The following SV2C variants were observed in gnomAD, a reference collection of about 807,000 sequenced individuals.
The protein encoded by SV2C is solute carrier family 22 member B3.
Under a neutral mutation model 79.7 loss-of-function variants are expected in SV2C, and 49 were observed. The ratio of observed to expected loss-of-function variants is 0.61; its 90% CI spans 0.49 to 0.78. SV2C has a LOEUF of 0.78. Among genes scored for constraint, SV2C ranks in the 30% least tolerant of loss-of-function variants. The probability of loss-of-function intolerance (pLI) is 0.00; values close to 1 mark genes in which losing one functional copy is unlikely to be tolerated. For missense variants in SV2C, 833 were observed against 912.9 expected, an observed-to-expected ratio of 0.91 and a Z score of 1.13; for synonymous variants, 334 against 333.2, an observed-to-expected ratio of 1.00 and a Z score of -0.03.
At chr5:76,324,254 TCAGCCTGCCATA>T (rs1438090120) in intron 12 of SV2C, among the ~76,000 whole-genome samples, 1 of 152,156 alleles carries the variant, frequency 6.6e-6, no homozygotes, top group East Asian at 1.9e-4. Context: ...GACACCCTGC[TCAGCCTGCCATA>T]CATTTTAACT....
intron 1 of SV2C, among the ~76,000 whole-genome samples, chr5:76,112,505 G>A (rs1000588370): frequency 3.3e-5 from 5 of 152,172 alleles, no homozygotes; most frequent in Non-Finnish European, 5.9e-5. Context: ...GGATGGGGGG[G>A]AGGACCCTGA....
chr5:76,163,449 A>T (rs1465889581), intron 2 of SV2C, among the ~76,000 whole-genome samples: 4 of 152,270 alleles, frequency 2.6e-5, no homozygotes, highest in African/African-American at 9.6e-5. Flanking sequence ...CTTGCATAGT[A>T]TAAATCAGCT....
rs1396520105 is a variant in SV2C at position 76,298,912 on chromosome 5, G to A, written c.1621G>A (p.Val541Ile). ...YFKNCTFIDT[V>I]FDNTDFEPYK... ...CAAGAACTGCACATTTATTGACACT[G>A]TTTTTGACAACACAGGTAGGTGTGC... The change falls in exon 10 of 13, where the codon GTT becomes ATT. Residue 541 changes from valine (V) to isoleucine (I), a missense_variant. Transcript: ENST00000502798. 1 of 1,613,764 alleles carries A rather than the reference G, an allele frequency of 6.2e-7. No individual in the cohort carries two copies.
rs1032942331 is a variant in SV2C, at chr5:76,331,044, G to A, written c.*5497G>A. 2 of 152,144 alleles carry A rather than the reference G, an allele frequency of 1.3e-5. No homozygotes were observed. Among genetic ancestry groups the A allele is most frequent in the Non-Finnish European group, 2.9e-5 (2 of 68,052 alleles). The allele number at this position is 152,144 out of a possible 1,614,324, so 9.4% of individuals were successfully genotyped here. On this transcript the variant is annotated 3_prime_UTR_variant, in exon 13 of 13. Transcript: ENST00000502798. ...GCTAATTTTTTGTATTTTTAGTAGA[G>A]ACGAGGTTTCACCATTTTGGCCAGG...
At chr5:75,901,633 A>T in the SV2C span, among the ~76,000 whole-genome samples, 1 of 152,228 alleles carries the variant, frequency 6.6e-6, no homozygotes, top group Non-Finnish European at 1.5e-5. Flanking sequence ...AGACAGGGAC[A>T]TTTACGTCTG....
chr5:76,060,306 T>C, the SV2C span, among the ~76,000 whole-genome samples: 1 of 152,126 alleles, frequency 6.6e-6, no homozygotes, highest in African/African-American at 2.4e-5. Flanking sequence ...TGGCATCTTC[T>C]TCCAAGAGAA....
chr5:76,199,085 A>G (rs570061332), intron 3 of SV2C, among the ~76,000 whole-genome samples: 1 of 152,184 alleles, frequency 6.6e-6, no homozygotes, highest in East Asian at 1.9e-4. Flanking sequence ...TCGTATTTAA[A>G]CCCTTCATTC....
chr5:75,955,857 T>C, the SV2C span, among the ~76,000 whole-genome samples: 53 of 151,946 alleles, frequency 3.5e-4, no homozygotes, highest in African/African-American at 4.6e-4. Context: ...TACCATCTCA[T>C]ACCAGTTAGA....
At chr5:76,050,534 C>T in the SV2C span, among the ~76,000 whole-genome samples, 1 of 152,186 alleles carries the variant, frequency 6.6e-6, no homozygotes, top group African/African-American at 2.4e-5. Flanking sequence ...AATGTTCCTT[C>T]ACTCATTTGT....
chr5:76,347,669 T>C (rs975732686), intron 12 of SV2C, among the ~76,000 whole-genome samples: 5 of 152,182 alleles, frequency 3.3e-5, no homozygotes, highest in Non-Finnish European at 5.9e-5. Context: ...CTCGAACTCC[T>C]GACCCCAGGT....
chr5:76,133,573 A>T (rs1261598592), intron 2 of SV2C, among the ~76,000 whole-genome samples: 2 of 152,252 alleles, frequency 1.3e-5, no homozygotes, highest in East Asian at 1.9e-4. Context: ...TTGTTTCTTT[A>T]TGCTTAGCTA....
chr5:76,055,646 A>G, the SV2C span, among the ~76,000 whole-genome samples: 1 of 152,150 alleles, frequency 6.6e-6, no homozygotes, highest in African/African-American at 2.4e-5. Context: ...ATGTTTTTCC[A>G]TCTGTTTGTG....
At chr5:76,302,128 G>C (rs1748028199) in intron 12 of SV2C, among the ~76,000 whole-genome samples, 1 of 152,168 alleles carries the variant, frequency 6.6e-6, no homozygotes, top group East Asian at 1.9e-4. Flanking sequence ...TGAGGAAGCT[G>C]TAATGAAGCA....
the SV2C span, among the ~76,000 whole-genome samples, chr5:75,859,624 T>C: frequency 6.6e-6 from 1 of 152,158 alleles, no homozygotes; most frequent in African/African-American, 2.4e-5. Flanking sequence ...AGTCTCCTTA[T>C]TGCCTTCATG....
At position 76,327,168 on chromosome 5, in the gene SV2C, C is replaced by G. The variant is rs1347137295; in HGVS notation, c.*1621C>G. The G allele has an allele frequency of 6.6e-6, 1 of 152,126 alleles. No homozygotes were observed. The highest frequency in any genetic ancestry group is 1.9e-4 in the East Asian group (1 of 5,188). The allele number at this position is 152,126 out of a possible 1,614,324, so 9.4% of individuals were successfully genotyped here. A position where few individuals can be genotyped will look rare whatever the true frequency, so the allele number is the denominator to read the frequency against. On this transcript the variant is annotated 3_prime_UTR_variant, in exon 13 of 13. Coordinates refer to ENST00000502798, the MANE Select transcript of SV2C (RefSeq NM_014979.4). ...CCCCCTCCCCTTCCTAATGATCCCT[C>G]GCAGAGCTCAGACTAAGTGAAAAGC...
chr5:76,323,147 G>T (rs182482310), intron 12 of SV2C, among the ~76,000 whole-genome samples: 2 of 152,158 alleles, frequency 1.3e-5, no homozygotes, highest in African/African-American at 4.8e-5. Flanking sequence ...TCTGACAAAG[G>T]TCTAATATCT....
chr5:76,132,209 C>T lies in SV2C; in HGVS notation c.459C>T (p.Ala153=). 6.2e-7 allele frequency: 1 copy of T among 1,614,064 alleles called. No homozygotes were observed. The highest frequency in any genetic ancestry group is 8.5e-7 in the Non-Finnish European group (1 of 1,180,008). ...GCGGTCATGGTCGTTTTCAGTGGGC[C>T]CTTTTCTTCGTCCTGGGCATGGCTC... ...QECGHGRFQW[A]LFFVLGMALM... Residue 153 remains alanine (A), a synonymous_variant, in exon 2 of 13, where the codon GCC becomes GCT. Coordinates refer to ENST00000502798, the MANE Select transcript of SV2C (RefSeq NM_014979.4).
At chr5:76,240,420 G>A (rs1283167505) in intron 4 of SV2C, among the ~76,000 whole-genome samples, 1 of 152,132 alleles carries the variant, frequency 6.6e-6, no homozygotes. Flanking sequence ...CTGCCTCAGG[G>A]CTCTCTCCAA....
chr5:76,170,835 C>A (rs868321963), intron 2 of SV2C: 4,685 of 228,802 alleles, frequency 0.02, 293 homozygotes, highest in African/African-American at 0.03. Context: ...GCCATGGTGG[C>A]CGCGGGTGGT....
Sources: gnomAD v4.1 joint callset for allele counts (sites outside exome capture counted in the v4.1 genomes callset) on GRCh38, gnomAD v4.1.1 for gene constraint, MANE v1.5 for transcripts, NCBI Gene and HGNC (gene_info 2026-07-23, HGNC 2026-07-21) for gene names.